Variants in GRM1 observed in about 807,000 individuals in gnomAD.
The protein encoded by GRM1 is metabotropic glutamate receptor 1.
GRM1 carries 33 observed loss-of-function variants against 90.9 expected under a neutral mutation model. The observed-to-expected ratio is 0.36, with a 90% CI of 0.28 to 0.49. The LOEUF (loss-of-function observed/expected upper bound fraction) is 0.49, where lower values mean the gene tolerates loss of function less well. GRM1 is among the 20% of genes least tolerant of loss of function. The probability of loss-of-function intolerance (pLI) is 0.99; values close to 1 mark genes in which losing one functional copy is unlikely to be tolerated. For synonymous variants in GRM1, 700 were observed against 613.2 expected (o/e 1.14, Z -2.09); for missense variants, 1,190 against 1,534.3 (o/e 0.78, Z 3.75).
chr6:146,395,371 TC>T (rs1776890251), intron 6 of GRM1, among the ~76,000 whole-genome samples: 1 of 149,378 alleles, frequency 6.7e-6, no homozygotes, highest in African/African-American at 2.6e-5. Flanking sequence ...TTTGAAAGTT[TC>T]CTAAAGTTTT....
intron 5 of GRM1, among the ~76,000 whole-genome samples, chr6:146,360,642 G>A (rs909848844): frequency 6.6e-6 from 1 of 152,132 alleles, no homozygotes; most frequent in Non-Finnish European, 1.5e-5. Context: ...GGGCACCCTG[G>A]TTTTTCTCTT....
chr6:146,083,971 T>C (rs1315037547), intron 1 of GRM1, among the ~76,000 whole-genome samples: 1 of 152,220 alleles, frequency 6.6e-6, no homozygotes, highest in Non-Finnish European at 1.5e-5. Context: ...GGAGGGTGTA[T>C]GTGTCCAGGA....
intron 2 of GRM1, among the ~76,000 whole-genome samples, chr6:146,176,454 T>C (rs1778340199): frequency 6.6e-6 from 1 of 152,010 alleles, no homozygotes; most frequent in Non-Finnish European, 1.5e-5. Context: ...GCTTCTCTGG[T>C]CAATTGAGGT....
chr6:146,103,894 A>G (rs1777133186), intron 1 of GRM1, among the ~76,000 whole-genome samples: 1 of 152,140 alleles, frequency 6.6e-6, no homozygotes, highest in Non-Finnish European at 1.5e-5. Flanking sequence ...CGCTTAGGGA[A>G]CACAGATGAG....
chr6:146,256,794 T>C (rs1461610848), intron 2 of GRM1, among the ~76,000 whole-genome samples: 1 of 152,160 alleles, frequency 6.6e-6, no homozygotes, highest in Non-Finnish European at 1.5e-5. Flanking sequence ...ACAATGCTGC[T>C]TGTCATCTTC....
chr6:146,073,392 A>G (rs1317274642), intron 1 of GRM1, among the ~76,000 whole-genome samples: 3 of 152,190 alleles, frequency 2.0e-5, no homozygotes, highest in Non-Finnish European at 4.4e-5. Flanking sequence ...GGCATGGTGT[A>G]GTAAAATGTG....
chr6:146,204,416 C>T lies in GRM1; in HGVS notation c.950+44819C>T, dbSNP rs548726979. Among the ~76,000 whole-genome samples the T allele has an allele frequency of 2.6e-5, 4 of 152,224 alleles. No homozygotes were observed. The South Asian group carries it at 8.3e-4, about 32-fold the overall frequency. On this transcript the variant is annotated intron_variant, in intron 2 of 7. Coordinates refer to ENST00000282753, the MANE Select transcript of GRM1 (RefSeq NM_001278064.2). ...ATTTTTCTATGATTTTCTTAATTTA[C>T]ACCCTTTAATTTGGAAAAGACCCAT...
intron 5 of GRM1, 85 bp downstream of exon 5, chr6:146,357,779 A>G (rs930354783): frequency 9.2e-7 from 1 of 1,083,770 alleles, no homozygotes; most frequent in Non-Finnish European, 1.4e-6. Flanking sequence ...GACAATTTTA[A>G]AAACATAACT....
In GRM1 at chr6:146,399,023, C is replaced by T. The variant is rs1170975937; in HGVS notation, c.1984C>T (p.Leu662Phe). Reference sequence around the variant, plus strand: ...TACCACCTCCTGCTACCTCCAGCGCCTCTTGGTTGGCCTCTCCTCTGCGAT... The same window carrying T: ...TACCACCTCCTGCTACCTCCAGCGCTTCTTGGTTGGCCTCTCCTCTGCGAT... The part of the protein sequence containing the change: ...PTTTSCYLQR[L>F]LVGLSSAMCY... The change falls in exon 7 of 8, where the codon CTC becomes TTC. Residue 662 changes from leucine (L) to phenylalanine (F), a missense_variant. By Grantham distance (22) the Leu-to-Phe change is conservative (BLOSUM62 0). Coordinates refer to ENST00000282753, the MANE Select transcript of GRM1 (RefSeq NM_001278064.2). The surrounding 1 kb of genome is among the most constrained non-coding windows in gnomAD (Gnocchi z 5.4). 6.2e-7 allele frequency: 1 copy of T among 1,614,140 alleles called. No homozygotes were observed. Among genetic ancestry groups the T allele is most frequent in the East Asian group, 2.2e-5 (1 of 44,874 alleles).
chr6:146,101,173 GTCT>G (rs1777038272), intron 1 of GRM1, among the ~76,000 whole-genome samples: 4 of 152,112 alleles, frequency 2.6e-5, no homozygotes, highest in Non-Finnish European at 5.9e-5. Context: ...TTTTTCTGAA[GTCT>G]TCTTTAATGT....
intron 3 of GRM1, among the ~76,000 whole-genome samples, chr6:146,339,131 G>A (rs556492206): frequency 1.2e-4 from 19 of 152,230 alleles, no homozygotes; most frequent in Admixed American, 1.2e-3. Context: ...TTAAATTCTT[G>A]TTCTCTTGAA....
At chr6:146,226,950 A>C (rs1382927712) in intron 2 of GRM1, among the ~76,000 whole-genome samples, 1 of 152,066 alleles carries the variant, frequency 6.6e-6, no homozygotes, top group African/African-American at 2.4e-5. Flanking sequence ...AAATAGGAGA[A>C]CTGTTCAGAA....
At chr6:146,098,532 T>C (rs181425568) in intron 1 of GRM1, among the ~76,000 whole-genome samples, 5 of 152,330 alleles carry the variant, frequency 3.3e-5, no homozygotes, top group African/African-American at 1.2e-4. Flanking sequence ...TTGCGTTAGA[T>C]GTATAACTAA....
At position 146,030,185 on chromosome 6, in the gene GRM1, A is replaced by G. The variant is rs752595873; in HGVS notation, c.668A>G (p.Asn223Ser). Residue 223 changes from asparagine (N) to serine (S), a missense_variant, in exon 1 of 8, where the codon AAT (asparagine) becomes AGT (serine). Coordinates refer to ENST00000282753, the MANE Select transcript of GRM1 (RefSeq NM_001278064.2). ...ATGCTTGACATAGTCAAACGTTACA[A>G]TTGGACCTATGTCTCTGCAGTCCAC... ...RAMLDIVKRY[N>S]WTYVSAVHTE... 2.5e-6 allele frequency: 4 copies of G among 1,613,394 alleles called. No individual in the cohort carries two copies. Among genetic ancestry groups the G allele is most frequent in the African/African-American group, 2.7e-5 (2 of 74,932 alleles).
chr6:146,337,377 CTA>C (rs1422872223), intron 3 of GRM1, among the ~76,000 whole-genome samples: 3 of 152,174 alleles, frequency 2.0e-5, no homozygotes, highest in Non-Finnish European at 4.4e-5. Flanking sequence ...TCACAAGAGG[CTA>C]TCAAATGCTT....
chr6:146,190,442 A>T (rs938698697), intron 2 of GRM1, among the ~76,000 whole-genome samples: 1 of 152,186 alleles, frequency 6.6e-6, no homozygotes, highest in Non-Finnish European at 1.5e-5. Flanking sequence ...AAGGGAAAAA[A>T]GTTTCACTAA....
At chr6:146,414,377 T>TTTTTTATTATTATTA (rs139509383) in intron 7 of GRM1, among the ~76,000 whole-genome samples, 1 of 145,344 alleles carries the variant, frequency 6.9e-6, no homozygotes, top group Non-Finnish European at 1.5e-5. Context: ...CCGTTTGCCT[T>TTTTTTATTATTATTA]TTATTATTAT....
intron 1 of GRM1, among the ~76,000 whole-genome samples, chr6:146,037,365 A>C (rs1790928798): frequency 6.6e-6 from 1 of 152,024 alleles, no homozygotes; most frequent in Non-Finnish European, 1.5e-5. Flanking sequence ...ACAAATGAGA[A>C]AACAAAAGCC....
At chr6:146,307,569 C>T (rs547877508) in intron 3 of GRM1, among the ~76,000 whole-genome samples, 1 of 152,194 alleles carries the variant, frequency 6.6e-6, no homozygotes, top group African/African-American at 2.4e-5. Context: ...ATGTATTATT[C>T]TTATCCATTT....
Sources: gnomAD v4.1 joint callset for allele counts (sites outside exome capture counted in the v4.1 genomes callset) on GRCh38, gnomAD v4.1.1 for gene constraint, Gnocchi (gnomAD v3.1) non-coding constraint, MANE v1.5 for transcripts, NCBI Gene and HGNC (gene_info 2026-07-23, HGNC 2026-07-21) for gene names.